The following STK32A variants were observed in gnomAD, a reference collection of about 807,000 sequenced individuals.
The protein encoded by STK32A is serine/threonine kinase 32A.
Under a neutral mutation model 53.2 loss-of-function variants are expected in STK32A, and 41 were observed. That is an observed-to-expected ratio of 0.77 (90% CI 0.60 to 1.00). The LOEUF is 1.00. Among genes scored for constraint, STK32A ranks in the 50% least tolerant of loss-of-function variants. The probability of loss-of-function intolerance (pLI) is 0.00; values close to 1 mark genes in which losing one functional copy is unlikely to be tolerated. For synonymous variants in STK32A, 166 were observed against 162.8 expected (o/e 1.02, Z -0.15); for missense variants, 458 against 485.8 (o/e 0.94, Z 0.54).
chr5:147,334,021 T>G (rs1290975637), intron 5 of STK32A, among the ~76,000 whole-genome samples: 1 of 152,172 alleles, frequency 6.6e-6, no homozygotes, highest in Non-Finnish European at 1.5e-5. Flanking sequence ...ATTATAATGC[T>G]TGCAAAATCA....
At chr5:147,333,990 G>C (rs1315141482) in intron 5 of STK32A, among the ~76,000 whole-genome samples, 2 of 152,040 alleles carry the variant, frequency 1.3e-5, no homozygotes, top group African/African-American at 4.8e-5. Flanking sequence ...TAAGAAAGCA[G>C]GAAAAATATG....
intron 4 of STK32A, among the ~76,000 whole-genome samples, chr5:147,318,291 A>C (rs1754115575): frequency 6.6e-6 from 1 of 152,194 alleles, no homozygotes; most frequent in South Asian, 2.1e-4. Context: ...AAGAATATAG[A>C]TCTGTCTCAT....
intron 4 of STK32A, among the ~76,000 whole-genome samples, chr5:147,300,450 A>G (rs542848492): frequency 6.6e-6 from 1 of 152,326 alleles, no homozygotes; most frequent in African/African-American, 2.4e-5. Flanking sequence ...CAAGAATACA[A>G]ACTGTGTAAG....
At position 147,278,174 on chromosome 5, in the gene STK32A, G is replaced by T; in HGVS notation, c.103G>T (p.Gly35Trp). 1.9e-6 allele frequency: 3 copies of T among 1,598,128 alleles called. No individual in the cohort carries two copies. Among genetic ancestry groups the T allele is most frequent in the Non-Finnish European group, 2.6e-6 (3 of 1,171,522 alleles). The change falls in exon 3 of 13, where the codon GGG becomes TGG. Residue 35 changes from glycine to tryptophan, a missense_variant. Transcript: ENST00000397936. ...ILRAIGKGSF[G>W]KVCIVQKNDT... ...GCGAGCCATTGGGAAAGGCAGTTTT[G>T]GGAAGGTGAGAACAAATTGAAATGA...
intron 2 of STK32A, among the ~76,000 whole-genome samples, chr5:147,259,641 C>G (rs1459704764): frequency 1.3e-5 from 2 of 152,084 alleles, no homozygotes; most frequent in African/African-American, 4.8e-5. Context: ...TGTGCTGCAC[C>G]CATTAACTAA....
chr5:147,259,901 T>TCTCTCTCTCCC (rs1754431507), intron 2 of STK32A, among the ~76,000 whole-genome samples: 3 of 123,934 alleles, frequency 2.4e-5, no homozygotes, highest in African/African-American at 8.8e-5. Flanking sequence ...TTCTCTCTCC[T>TCTCTCTCTCCC]CTCTCTCTCT....
At chr5:147,312,913 G>T (rs978916161) in intron 4 of STK32A, among the ~76,000 whole-genome samples, 1 of 151,932 alleles carries the variant, frequency 6.6e-6, no homozygotes, top group East Asian at 1.9e-4. Context: ...ACATTAGACT[G>T]CCCAGAATAC....
intron 4 of STK32A, among the ~76,000 whole-genome samples, chr5:147,322,712 G>A (rs934200432): frequency 1.3e-5 from 2 of 152,208 alleles, no homozygotes; most frequent in Non-Finnish European, 2.9e-5. Flanking sequence ...TCATGGCTGT[G>A]CTTTGAGGGA....
At chr5:147,249,340 T>A (rs1194099778) in intron 2 of STK32A, among the ~76,000 whole-genome samples, 1 of 152,082 alleles carries the variant, frequency 6.6e-6, no homozygotes, top group African/African-American at 2.4e-5. Context: ...ATTGTCCAGG[T>A]AAAATGCTTA....
intron 4 of STK32A, among the ~76,000 whole-genome samples, chr5:147,315,136 T>G (rs1753930718): frequency 6.6e-6 from 1 of 152,208 alleles, no homozygotes; most frequent in Non-Finnish European, 1.5e-5. Flanking sequence ...GAATGTAATG[T>G]GGTACAGCCA....
At chr5:147,241,323 C>G (rs1045587416) in intron 2 of STK32A, among the ~76,000 whole-genome samples, 1 of 151,994 alleles carries the variant, frequency 6.6e-6, no homozygotes, top group Non-Finnish European at 1.5e-5. Flanking sequence ...CTAAAAAATA[C>G]AAAAAATTAG....
At chr5:147,240,705 A>T (rs1753535919) in intron 2 of STK32A, among the ~76,000 whole-genome samples, 1 of 152,376 alleles carries the variant, frequency 6.6e-6, no homozygotes, top group South Asian at 2.1e-4. Flanking sequence ...TGATTGCTGA[A>T]ATGAAAACTA....
chr5:147,322,379 C>T (rs1467038588), intron 4 of STK32A, among the ~76,000 whole-genome samples: 1 of 152,138 alleles, frequency 6.6e-6, no homozygotes, highest in Non-Finnish European at 1.5e-5. Context: ...GCTATTAATG[C>T]TAATTAGAAT....
At chr5:147,241,331 T>C (rs7442689) in intron 2 of STK32A, among the ~76,000 whole-genome samples, 60,940 of 151,802 alleles carry the variant, frequency 0.4, 12,381 homozygotes, top group Admixed American at 0.45. Context: ...TACAAAAAAT[T>C]AGCCGGGCGT....
intron 9 of STK32A, among the ~76,000 whole-genome samples, chr5:147,370,998 T>A (rs1756983372): frequency 6.6e-6 from 1 of 152,220 alleles, no homozygotes. Context: ...TATCTTTGTC[T>A]TTCCTGAATA....
chr5:147,398,055 C>T, the STK32A span, among the ~76,000 whole-genome samples: 5 of 152,076 alleles, frequency 3.3e-5, no homozygotes, highest in African/African-American at 9.7e-5. Context: ...AAGAAGTGTC[C>T]GGTCTTTAAT....
At chr5:147,283,757 C>A (rs371321329) in intron 4 of STK32A, among the ~76,000 whole-genome samples, 12 of 151,906 alleles carry the variant, frequency 7.9e-5, no homozygotes, top group Non-Finnish European at 1.6e-4. Context: ...GAATTAAATA[C>A]CCTGAACAGA....
chr5:147,254,642 G>C (rs12520321), intron 2 of STK32A, among the ~76,000 whole-genome samples: 32 of 151,930 alleles, frequency 2.1e-4, no homozygotes, highest in Non-Finnish European at 4.3e-4. Context: ...CTCCTGTGTC[G>C]TTCCCCTATT....
At chr5:147,270,906 C>T (rs1201800331) in intron 2 of STK32A, among the ~76,000 whole-genome samples, 1 of 152,134 alleles carries the variant, frequency 6.6e-6, no homozygotes, top group Non-Finnish European at 1.5e-5. Context: ...TTAACATATT[C>T]TTTGCCCAGC....
Sources: gnomAD v4.1 joint callset for allele counts (sites outside exome capture counted in the v4.1 genomes callset) on GRCh38, gnomAD v4.1.1 for gene constraint, MANE v1.5 for transcripts, NCBI Gene and HGNC (gene_info 2026-07-23, HGNC 2026-07-21) for gene names.